The following ERC1 variants were observed in gnomAD, a reference collection of about 807,000 sequenced individuals.
ERC1 encodes the protein ELKS/RAB6-interacting/CAST family member 1.
In ERC1, 56 loss-of-function variants were observed where a neutral mutation model predicts 132.0. That is an observed-to-expected ratio of 0.42 (90% confidence interval 0.34 to 0.53). ERC1 has a LOEUF of 0.53. Among genes scored for constraint, ERC1 ranks in the 20% least tolerant of loss-of-function variants. The pLI, the probability that ERC1 is intolerant of heterozygous loss-of-function variation, is 0.03. For missense variants in ERC1, 1,202 were observed against 1,349.9 expected (o/e 0.89, Z 1.72); for synonymous variants, 478 against 476.1 (o/e 1.00, Z -0.05).
intron 12 of ERC1, among the ~76,000 whole-genome samples, chr12:1,197,579 A>G (rs1252099359): frequency 1.3e-5 from 2 of 152,176 alleles, no homozygotes; most frequent in African/African-American, 4.8e-5. Flanking sequence ...TTTTGCTGCT[A>G]GGGGCCAGTT....
chr12:1,101,990 G>C (rs1297650104), intron 3 of ERC1, among the ~76,000 whole-genome samples: 1 of 152,174 alleles, frequency 6.6e-6, no homozygotes, highest in Non-Finnish European at 1.5e-5. Context: ...TTTGGATTCA[G>C]GCTATAGAAT....
rs2077580689 is a variant in ERC1 at position 1,267,987 on chromosome 12, A to G, written c.2619+4822A>G. ...ATTAATGAGCATTTTTAAGGATTAC[A>G]TATTTTTTTGTTGTTGTTAATGTAT... On this transcript the variant is annotated intron_variant, in intron 14 of 18. Coordinates refer to ENST00000360905, the MANE Select transcript of ERC1 (RefSeq NM_178040.4). Among the ~76,000 whole-genome samples the G allele has an allele frequency of 2.0e-5, 3 of 152,168 alleles. No homozygotes were observed. The South Asian group carries it at 6.2e-4, about 31-fold the overall frequency.
intron 18 of ERC1, among the ~76,000 whole-genome samples, chr12:1,460,412 T>C (rs1447363685): frequency 6.6e-6 from 1 of 152,204 alleles, no homozygotes; most frequent in Admixed American, 6.5e-5. Flanking sequence ...TTGTGTGGGC[T>C]GAGTCGGTGT....
chr12:1,060,660 G>A (rs1300338141), intron 2 of ERC1, among the ~76,000 whole-genome samples: 3 of 151,992 alleles, frequency 2.0e-5, no homozygotes, highest in East Asian at 1.9e-4. Context: ...CACAAGAATA[G>A]CATGGGAAAG....
In ERC1 at chr12:1,207,942, A is replaced by G. The variant is rs576735863; in HGVS notation, c.2351+17890A>G. Among the ~76,000 whole-genome samples, 5 of 152,294 alleles carry G rather than the reference A, an allele frequency of 3.3e-5. No homozygotes were observed. In the South Asian group the frequency reaches 1.0e-3, roughly 32 times the overall value. On this transcript the variant is annotated intron_variant, in intron 12 of 18. Transcript: ENST00000360905. ...ATCATCTTTTAGTATGTCTTATAAT[A>G]ACTATTGGGCCATACTTACTCTGGC...
chr12:1,461,946 TACAC>T (rs1393736614), intron 18 of ERC1, among the ~76,000 whole-genome samples: 3 of 152,088 alleles, frequency 2.0e-5, no homozygotes, highest in Admixed American at 6.6e-5. Context: ...CAAAAACACA[TACAC>T]ACATGACAAA....
At chr12:1,055,158 T>TTTTTTCTTTCC (rs1972710181) in intron 2 of ERC1, among the ~76,000 whole-genome samples, 1 of 152,110 alleles carries the variant, frequency 6.6e-6, no homozygotes, top group African/African-American at 2.4e-5. Flanking sequence ...TTTCCTTTCC[T>TTTTTTCTTTCC]TTTTTCTTTC....
intron 12 of ERC1, among the ~76,000 whole-genome samples, chr12:1,201,552 A>G (rs1164371774): frequency 6.6e-6 from 1 of 152,180 alleles, no homozygotes; most frequent in Non-Finnish European, 1.5e-5. Context: ...TTGACCAAAA[A>G]CGGTTTCTTT....
intron 14 of ERC1, among the ~76,000 whole-genome samples, chr12:1,285,088 G>A (rs545132012): frequency 1.6e-4 from 24 of 152,228 alleles, no homozygotes; most frequent in African/African-American, 5.5e-4. Flanking sequence ...TTGGAAGTAA[G>A]AGTTTTGAAT....
In ERC1 at chr12:1,083,274, A is replaced by G. The variant is rs1406479827; in HGVS notation, c.780A>G (p.Ala260=). 2.5e-6 allele frequency: 4 copies of G among 1,614,106 alleles called. No individual in the cohort carries two copies. The highest frequency in any genetic ancestry group is 1.3e-5 in the African/African-American group (1 of 74,942). ...SSSRTGEPCV[A]ELTEENFQRL... Reference sequence around the variant, plus strand: ...GCAGGACTGGCGAACCTTGTGTAGCAGAGCTGACAGAGGAGAACTTTCAGA... The same window carrying G: ...GCAGGACTGGCGAACCTTGTGTAGCGGAGCTGACAGAGGAGAACTTTCAGA... Residue 260 remains alanine (A), a synonymous_variant, in exon 3 of 19, where the codon GCA becomes GCG. Transcript: ENST00000360905.
chr12:1,110,713 A>G (rs1367877807), intron 5 of ERC1, among the ~76,000 whole-genome samples: 2 of 152,098 alleles, frequency 1.3e-5, no homozygotes, highest in Admixed American at 1.3e-4. Context: ...CAAAACCCTA[A>G]GAGGCTTGAG....
chr12:1,010,618 C>T (rs1964528063), intron 1 of ERC1, among the ~76,000 whole-genome samples: 1 of 149,370 alleles, frequency 6.7e-6, no homozygotes, highest in Non-Finnish European at 1.5e-5. Flanking sequence ...TCAAGTGATT[C>T]TCCTGCCTCA....
In ERC1 at chr12:1,397,252, T is replaced by C. The variant is rs557457733; in HGVS notation, c.2926-10897T>C. On this transcript the variant is annotated intron_variant, in intron 16 of 18. Transcript: ENST00000360905. ...CTTATAGAGGCAGTTTGGCAATATG[T>C]AGTAACATTGCTTATCTGTGCGTTG... 6.6e-4 allele frequency among the ~76,000 whole-genome samples: 100 copies of C among 152,334 alleles called. 1 individual carries two copies. The highest frequency in any genetic ancestry group is 2.4e-3 in the African/African-American group (98 of 41,578).
chr12:1,103,801 G>A (rs1944937288), intron 3 of ERC1, among the ~76,000 whole-genome samples: 1 of 152,140 alleles, frequency 6.6e-6, no homozygotes, highest in Admixed American at 6.5e-5. Context: ...GCCTCCCAAA[G>A]TGCTGGGATT....
chr12:1,063,086 G>A (rs958482372), intron 2 of ERC1, among the ~76,000 whole-genome samples: 5 of 151,026 alleles, frequency 3.3e-5, no homozygotes, highest in Non-Finnish European at 7.4e-5. Flanking sequence ...TTTTTGAGAC[G>A]GAGTTTCACC....
intron 12 of ERC1, among the ~76,000 whole-genome samples, chr12:1,193,659 C>A (rs1486574881): frequency 6.6e-6 from 1 of 152,136 alleles, no homozygotes; most frequent in South Asian, 2.1e-4. Flanking sequence ...AAGAGAAGAT[C>A]GTGAGCAGGA....
chr12:1,083,645 A>T (rs1049003148), intron 3 of ERC1, 65 bp downstream of exon 3: 61 of 1,291,858 alleles, frequency 4.7e-5, no homozygotes, highest in Non-Finnish European at 4.0e-5. Flanking sequence ...ATTAATCAGC[A>T]TCTTGGCCCC....
At chr12:1,430,378 AGG>A in intron 17 of ERC1, 1 of 149,480 alleles carries the variant, frequency 6.7e-6, no homozygotes, top group South Asian at 2.1e-4. Flanking sequence ...AATAATTTTC[AGG>A]CTTTTTTTTT....
chr12:1,137,479 A>C (rs972173878), intron 7 of ERC1, among the ~76,000 whole-genome samples: 1 of 152,126 alleles, frequency 6.6e-6, no homozygotes, highest in Non-Finnish European at 1.5e-5. Context: ...ATCATCTTTT[A>C]AAATAGGGAG....
Sources: gnomAD v4.1 joint callset for allele counts (sites outside exome capture counted in the v4.1 genomes callset) on GRCh38, gnomAD v4.1.1 for gene constraint, MANE v1.5 for transcripts, NCBI Gene and HGNC (gene_info 2026-07-23, HGNC 2026-07-21) for gene names.